The following CCDC178 variants were observed in gnomAD, a reference collection of about 807,000 sequenced individuals.
CCDC178 encodes the protein coiled-coil domain-containing protein 178.
CCDC178 carries 126 observed loss-of-function variants against 117.4 expected under a neutral mutation model. The observed-to-expected ratio is 1.07, with a 90% CI of 0.93 to 1.24. The LOEUF (loss-of-function observed/expected upper bound fraction) is 1.24, where lower values mean the gene tolerates loss of function less well. CCDC178 is among the 50% of genes most tolerant of loss of function. CCDC178 has a pLI of 0.00. For synonymous variants in CCDC178, 283 were observed against 313.4 expected (o/e 0.90, Z 1.02); for missense variants, 1,030 against 986.9 (o/e 1.04, Z -0.59).
intron 21 of CCDC178, among the ~76,000 whole-genome samples, chr18:33,031,107 C>A (rs1334886697): frequency 2.6e-5 from 4 of 152,086 alleles, no homozygotes; most frequent in Non-Finnish European, 5.9e-5. Context: ...ATCACATCAT[C>A]CATTTGTTTC....
At chr18:33,341,990 A>G (rs1261475636) in intron 9 of CCDC178, among the ~76,000 whole-genome samples, 1 of 152,106 alleles carries the variant, frequency 6.6e-6, no homozygotes, top group Non-Finnish European at 1.5e-5. Flanking sequence ...AAAAACTCTA[A>G]CTTGAAACTT....
chr18:33,344,042 C>T (rs901668514), intron 9 of CCDC178, among the ~76,000 whole-genome samples: 1 of 151,898 alleles, frequency 6.6e-6, no homozygotes, highest in Non-Finnish European at 1.5e-5. Flanking sequence ...CGGTGGCTCA[C>T]GCCTGTAATC....
chr18:32,967,841 T>C (rs948451921), intron 22 of CCDC178, among the ~76,000 whole-genome samples: 1 of 151,628 alleles, frequency 6.6e-6, no homozygotes, highest in African/African-American at 2.4e-5. Context: ...GTGTTTGTAA[T>C]TTTCATATAT....
chr18:33,133,952 G>A (rs933123568), intron 20 of CCDC178, among the ~76,000 whole-genome samples: 3 of 151,664 alleles, frequency 2.0e-5, no homozygotes, highest in East Asian at 3.9e-4. Context: ...ATATGATGTC[G>A]GCAAAGAGGA....
intron 5 of CCDC178, among the ~76,000 whole-genome samples, chr18:33,381,813 T>A (rs61008487): frequency 0.011 from 1,728 of 152,236 alleles, 33 homozygotes; most frequent in African/African-American, 0.039. Flanking sequence ...TTTTATGTTG[T>A]ATTGTAAAAA....
chr18:33,194,267 C>T (rs2058898326), intron 20 of CCDC178, among the ~76,000 whole-genome samples: 1 of 152,100 alleles, frequency 6.6e-6, no homozygotes, highest in Non-Finnish European at 1.5e-5. Context: ...TAACTATATG[C>T]TTGGTAGAAA....
At chr18:33,251,351 T>G (rs1366765593) in intron 14 of CCDC178, among the ~76,000 whole-genome samples, 1 of 151,704 alleles carries the variant, frequency 6.6e-6, no homozygotes, top group African/African-American at 2.4e-5. Flanking sequence ...GATGATTAGT[T>G]TAAATTGAGG....
chr18:32,963,559 T>C (rs972729965), intron 22 of CCDC178, among the ~76,000 whole-genome samples: 4 of 152,048 alleles, frequency 2.6e-5, no homozygotes, highest in Non-Finnish European at 5.9e-5. Flanking sequence ...AAATTGTTAG[T>C]AATTTTCCCT....
chr18:33,418,545 G>A (rs889606680), intron 2 of CCDC178, among the ~76,000 whole-genome samples: 8 of 151,676 alleles, frequency 5.3e-5, no homozygotes, highest in Admixed American at 3.9e-4. Flanking sequence ...GAGGGCTAAA[G>A]TATCCTTGTT....
chr18:33,175,565 A>G (rs2058655469), intron 20 of CCDC178, among the ~76,000 whole-genome samples: 1 of 152,062 alleles, frequency 6.6e-6, no homozygotes, highest in Non-Finnish European at 1.5e-5. Flanking sequence ...GCCTACTTTC[A>G]TCTGTTTTTG....
intron 21 of CCDC178, among the ~76,000 whole-genome samples, chr18:32,980,480 A>G (rs1385823238): frequency 6.9e-6 from 1 of 144,608 alleles, no homozygotes; most frequent in Non-Finnish European, 1.5e-5. Context: ...CTGAAGCAGG[A>G]GAATGGCGTG....
intron 22 of CCDC178, among the ~76,000 whole-genome samples, chr18:32,953,337 C>T (rs980420991): frequency 6.6e-6 from 1 of 152,192 alleles, no homozygotes; most frequent in African/African-American, 2.4e-5. Flanking sequence ...CCAAGCCATT[C>T]AACAAGTCTC....
At chr18:33,203,060 A>G (rs536697165) in intron 20 of CCDC178, among the ~76,000 whole-genome samples, 18 of 152,318 alleles carry the variant, frequency 1.2e-4, no homozygotes, top group African/African-American at 3.8e-4. Context: ...CACATTTCCA[A>G]TGCGGCTATT....
chr18:33,237,702 G>A (rs1418016690), intron 15 of CCDC178, among the ~76,000 whole-genome samples: 1 of 152,004 alleles, frequency 6.6e-6, no homozygotes, highest in Non-Finnish European at 1.5e-5. Context: ...ATGAGAAACG[G>A]CCCCACAGGC....
chr18:33,412,136 T>C lies in CCDC178; in HGVS notation c.-22-26A>G, dbSNP rs1028222032. Reference sequence around the variant, plus strand: ...CTAATTAGAAAGAAAAATATTTAAATATCATGAATCTAAATTAGTTTATAT... The same window carrying C: ...CTAATTAGAAAGAAAAATATTTAAACATCATGAATCTAAATTAGTTTATAT... On this transcript the variant is annotated intron_variant, in intron 2 of 22. Coordinates refer to ENST00000383096, the MANE Select transcript of CCDC178 (RefSeq NM_001105528.4). 9.1e-5 allele frequency: 81 copies of C among 886,348 alleles called. No homozygotes were observed. The African/African-American group carries it at 1.3e-3, about 14-fold the overall frequency. 54.9% of individuals were successfully genotyped at this position (886,348 alleles called of 1,614,324 possible).
chr18:33,247,748 C>T (rs8089563), intron 14 of CCDC178, among the ~76,000 whole-genome samples: 138,549 of 151,904 alleles, frequency 0.91, 63,288 homozygotes, highest in East Asian at 1. Context: ...AATCTTTGTG[C>T]ATGTATGTGT....
At chr18:33,297,957 G>C (rs372028398) in intron 11 of CCDC178, among the ~76,000 whole-genome samples, 2 of 152,100 alleles carry the variant, frequency 1.3e-5, no homozygotes, top group African/African-American at 4.8e-5. Context: ...CAGGAGAATG[G>C]CGTGAACCTG....
chr18:33,044,083 ATGTT>A (rs1567952478), intron 21 of CCDC178, among the ~76,000 whole-genome samples: 2 of 150,884 alleles, frequency 1.3e-5, no homozygotes, highest in African/African-American at 4.9e-5. Context: ...GTGTGTGTGT[ATGTT>A]TGTGTGTGTA....
At chr18:33,354,432 T>C (rs1472766405) in intron 7 of CCDC178, among the ~76,000 whole-genome samples, 1 of 152,050 alleles carries the variant, frequency 6.6e-6, no homozygotes, top group Non-Finnish European at 1.5e-5. Flanking sequence ...TGGTATCCCT[T>C]AGGCTTATTA....
Sources: gnomAD v4.1 joint callset for allele counts (sites outside exome capture counted in the v4.1 genomes callset) on GRCh38, gnomAD v4.1.1 for gene constraint, MANE v1.5 for transcripts, NCBI Gene and HGNC (gene_info 2026-07-23, HGNC 2026-07-21) for gene names.